ATXN2: variants seen among roughly 807,000 people sequenced by gnomAD.
The protein encoded by ATXN2 is ataxin-2.
Under a neutral mutation model 138.6 loss-of-function variants are expected in ATXN2, and 37 were observed. The ratio of observed to expected loss-of-function variants is 0.27; its 90% CI spans 0.21 to 0.35. The LOEUF is 0.35. Ranked by LOEUF, ATXN2 falls within the 10% of genes least tolerant of loss-of-function variation. The pLI, the probability that ATXN2 is intolerant of heterozygous loss-of-function variation, is 1.00. For synonymous variants in ATXN2, 549 were observed against 543.7 expected (o/e 1.01, Z -0.13); for missense variants, 1,216 against 1,480.3 (o/e 0.82, Z 2.93).
chr12:111,528,439 G>A (rs1008162635), intron 5 of ATXN2, among the ~76,000 whole-genome samples: 4 of 152,170 alleles, frequency 2.6e-5, no homozygotes, highest in Non-Finnish European at 4.4e-5. Flanking sequence ...GCAAGCAAGC[G>A]TCTAAAACTT....
At position 111,452,761 on chromosome 12, in the gene ATXN2, A is replaced by G. The variant is rs751743550; in HGVS notation, c.*51T>C. On this transcript the variant is annotated 3_prime_UTR_variant, in exon 25 of 25. Transcript: ENST00000673436. The stretch of plus-strand genomic sequence containing the variant: ...GTTTTCTGTGCTTCCAGTTGGTAGA[A>G]GCAGTAGAAGGGAGGAGGGAATTTG... 3.9e-6 allele frequency: 6 copies of G among 1,551,208 alleles called. No individual in the cohort carries two copies. The highest frequency in any genetic ancestry group is 4.5e-6 in the Non-Finnish European group (5 of 1,122,924).
In ATXN2 at chr12:111,598,197, A is replaced by C; in HGVS notation, c.251+587T>G. 1 of 1,053,076 alleles carries C rather than the reference A, an allele frequency of 9.5e-7. No individual in the cohort carries two copies. Among genetic ancestry groups the C allele is most frequent in the Non-Finnish European group, 1.2e-6 (1 of 868,542 alleles). 65.2% of individuals were successfully genotyped at this position (1,053,076 alleles called of 1,614,324 possible). A position where few individuals can be genotyped will look rare whatever the true frequency, so the allele number is the denominator to read the frequency against. On this transcript the variant is annotated intron_variant, in intron 1 of 24. Transcript: ENST00000673436. This position sits in a 1 kb window ranked among gnomAD's most constrained non-coding sequence, Gnocchi z 4.5. ...CCACTTGTCTCCACCCCGTCCTCCGATCTTTCCCAGGACTCGGAGGGGGCG... is the reference window on the plus strand; with the variant it reads ...CCACTTGTCTCCACCCCGTCCTCCGCTCTTTCCCAGGACTCGGAGGGGGCG...
At chr12:111,541,678 C>T (rs1881527135) in intron 5 of ATXN2, among the ~76,000 whole-genome samples, 1 of 148,982 alleles carries the variant, frequency 6.7e-6, no homozygotes, top group Non-Finnish European at 1.5e-5. Context: ...GGCAAGTCCT[C>T]CTTTATGACT....
chr12:111,460,311 T>C (rs7302805), intron 21 of ATXN2, among the ~76,000 whole-genome samples: 15,561 of 152,200 alleles, frequency 0.1, 2,658 homozygotes, highest in African/African-American at 0.35. Flanking sequence ...TGACCTCAGG[T>C]GATCCACTTG....
intron 1 of ATXN2, among the ~76,000 whole-genome samples, chr12:111,582,862 G>T (rs1268645296): frequency 1.3e-5 from 2 of 151,822 alleles, no homozygotes; most frequent in Non-Finnish European, 2.9e-5. Context: ...TAGAGACAGG[G>T]TTTCCCCATG....
At chr12:111,503,606 CTT>C (rs762044760) in intron 14 of ATXN2, among the ~76,000 whole-genome samples, 1 of 149,500 alleles carries the variant, frequency 6.7e-6, no homozygotes, top group African/African-American at 2.5e-5. Flanking sequence ...TTTCCACTCT[CTT>C]TTTTTTTCTT....
intron 7 of ATXN2, among the ~76,000 whole-genome samples, chr12:111,520,522 G>A (rs890287210): frequency 2.0e-5 from 3 of 152,020 alleles, no homozygotes; most frequent in South Asian, 2.1e-4. Flanking sequence ...ATGGTAGCAC[G>A]CGCCTATAGT....
intron 20 of ATXN2, among the ~76,000 whole-genome samples, chr12:111,465,390 A>G (rs992999471): frequency 6.6e-6 from 1 of 152,058 alleles, no homozygotes; most frequent in African/African-American, 2.4e-5. Context: ...AATTCTTCCT[A>G]ATGGCTCTAG....
intron 14 of ATXN2, among the ~76,000 whole-genome samples, chr12:111,501,283 G>A (rs1260620847): frequency 1.3e-5 from 2 of 152,134 alleles, no homozygotes; most frequent in East Asian, 3.8e-4. Context: ...TGCTACCACT[G>A]GCTGAAGATG....
intron 15 of ATXN2, among the ~76,000 whole-genome samples, chr12:111,487,174 G>T (rs901201251): frequency 2.6e-5 from 4 of 151,998 alleles, no homozygotes; most frequent in African/African-American, 9.7e-5. Flanking sequence ...TGCCTCCCGA[G>T]TTTAAGCCAT....
chr12:111,489,432 C>T (rs1281963618), intron 14 of ATXN2, among the ~76,000 whole-genome samples: 3 of 151,914 alleles, frequency 2.0e-5, no homozygotes, highest in African/African-American at 4.8e-5. Flanking sequence ...GGCTCACACG[C>T]TGAAACCCCA....
chr12:111,545,394 G>A (rs1881749678), intron 5 of ATXN2, among the ~76,000 whole-genome samples: 1 of 151,236 alleles, frequency 6.6e-6, no homozygotes, highest in African/African-American at 2.4e-5. Flanking sequence ...TCAGGAGTTC[G>A]AGACCAGCCT....
At chr12:111,578,313 G>T (rs1169597438) in intron 1 of ATXN2, among the ~76,000 whole-genome samples, 1 of 152,160 alleles carries the variant, frequency 6.6e-6, no homozygotes, top group African/African-American at 2.4e-5. Flanking sequence ...ACTGATAAAT[G>T]ACTCATCCCA....
At chr12:111,522,156 C>CCAAACA (rs1880192477) in intron 6 of ATXN2, among the ~76,000 whole-genome samples, 1 of 151,254 alleles carries the variant, frequency 6.6e-6, no homozygotes, top group South Asian at 2.1e-4. Flanking sequence ...ATTCCTTTTG[C>CCAAACA]CAAACACATG....
intron 5 of ATXN2, among the ~76,000 whole-genome samples, chr12:111,551,461 A>G (rs1882116497): frequency 6.6e-6 from 1 of 152,218 alleles, no homozygotes; most frequent in East Asian, 1.9e-4. Flanking sequence ...ATATAACTAC[A>G]TAATCGCTTT....
intron 14 of ATXN2, among the ~76,000 whole-genome samples, chr12:111,496,815 T>C (rs1010542752): frequency 3.3e-5 from 5 of 151,606 alleles, no homozygotes; most frequent in African/African-American, 1.2e-4. Context: ...CAATACATCC[T>C]AAAGAACTAG....
chr12:111,546,967 A>G (rs1881828333), intron 5 of ATXN2, among the ~76,000 whole-genome samples: 1 of 152,252 alleles, frequency 6.6e-6, no homozygotes. Flanking sequence ...AACATGTATA[A>G]CATTCAAGAG....
At chr12:111,469,589 A>G (rs1359325384) in intron 20 of ATXN2, 1 of 151,306 alleles carries the variant, frequency 6.6e-6, no homozygotes, top group Non-Finnish European at 1.5e-5. Context: ...AGTGTGACTC[A>G]TGTCTAAAAT....
chr12:111,508,098 T>C (rs1048823353), intron 14 of ATXN2, among the ~76,000 whole-genome samples: 12 of 151,120 alleles, frequency 7.9e-5, no homozygotes, highest in African/African-American at 2.9e-4. Context: ...TTCCCTCCAC[T>C]ATTGTCCTAT....
Sources: allele counts gnomAD v4.1 joint callset (sites outside exome capture counted in the v4.1 genomes callset), GRCh38; gene constraint gnomAD v4.1.1; non-coding constraint Gnocchi (gnomAD v3.1); transcripts MANE v1.5; gene names NCBI Gene and HGNC (gene_info 2026-07-23, HGNC 2026-07-21).